Variants in CLMN observed in about 807,000 individuals in gnomAD.
The protein encoded by CLMN is calmin (calponin-like, transmembrane).
CLMN carries 57 observed loss-of-function variants against 92.7 expected under a neutral mutation model. The ratio of observed to expected loss-of-function variants is 0.61; its 90% CI spans 0.50 to 0.77. The LOEUF is 0.77. Ranked by LOEUF, CLMN falls within the 30% of genes least tolerant of loss-of-function variation. The pLI, the probability that CLMN is intolerant of heterozygous loss-of-function variation, is 0.00. For synonymous variants in CLMN, 466 were observed against 470.6 expected, an observed-to-expected ratio of 0.99 and a Z score of 0.13; for missense variants, 1,158 against 1,237.5, an observed-to-expected ratio of 0.94 and a Z score of 0.96.
chr14:95,234,237 C>T (rs1372294924), intron 1 of CLMN, among the ~76,000 whole-genome samples: 2 of 152,204 alleles, frequency 1.3e-5, no homozygotes, highest in African/African-American at 2.4e-5. Context: ...AAAGCACCCC[C>T]ACAGCTGCTG....
At chr14:95,305,136 C>CTAA (rs1901222716) in intron 1 of CLMN, among the ~76,000 whole-genome samples, 1 of 152,256 alleles carries the variant, frequency 6.6e-6, no homozygotes, top group Non-Finnish European at 1.5e-5. Flanking sequence ...CAGGCCCTCT[C>CTAA]TAAGCCCTTC....
At chr14:95,302,413 C>A (rs183672209) in intron 1 of CLMN, among the ~76,000 whole-genome samples, 3 of 152,222 alleles carry the variant, frequency 2.0e-5, no homozygotes, top group Admixed American at 2.0e-4. Context: ...TGAAATATAA[C>A]ATGAGCCACA....
Position 95,183,598 on chromosome 14 carries a change from A to G in CLMN, c.*7966T>C, listed in dbSNP as rs919664573. On this transcript the variant is annotated 3_prime_UTR_variant, in exon 13 of 13. Transcript: ENST00000298912. ...TTTTCTTTTTGAAGGAGAAAGCCCA[A>G]TTTCCTACTCTGTGAAGTACGTGTT... 2.0e-5 allele frequency: 3 copies of G among 152,332 alleles called. No homozygotes were observed. Among genetic ancestry groups the G allele is most frequent in the Admixed American group, 6.5e-5 (1 of 15,300 alleles). The allele number at this position is 152,332 out of a possible 1,614,324, so 9.4% of individuals were successfully genotyped here.
chr14:95,239,365 A>G lies in CLMN; in HGVS notation c.83-9232T>C, dbSNP rs1472043760. ...TGGGTAAGAAAATGAAGAAGGAAGGAAGAGAGGGAGGGAAGGAAGGAAAGA... is the reference window on the plus strand; with the variant it reads ...TGGGTAAGAAAATGAAGAAGGAAGGGAGAGAGGGAGGGAAGGAAGGAAAGA... On this transcript the variant is annotated intron_variant, in intron 1 of 12. Coordinates refer to ENST00000298912, the MANE Select transcript of CLMN (RefSeq NM_024734.4). 1.2e-4 allele frequency among the ~76,000 whole-genome samples: 19 copies of G among 152,104 alleles called. 1 individual carries two copies. The highest frequency in any genetic ancestry group is 1.2e-3 in the Admixed American group (19 of 15,262).
At chr14:95,265,632 T>C (rs1899443088) in intron 1 of CLMN, among the ~76,000 whole-genome samples, 1 of 152,178 alleles carries the variant, frequency 6.6e-6, no homozygotes, top group African/African-American at 2.4e-5. Flanking sequence ...CTGTGAGTAT[T>C]TGCAATTGCC....
chr14:95,264,908 G>A (rs555546567), intron 1 of CLMN, among the ~76,000 whole-genome samples: 5 of 145,794 alleles, frequency 3.4e-5, no homozygotes, highest in Non-Finnish European at 4.5e-5. Context: ...CCAAAACACC[G>A]TCAGATCTCA....
At chr14:95,249,389 T>C (rs758817081) in intron 1 of CLMN, among the ~76,000 whole-genome samples, 2 of 152,224 alleles carry the variant, frequency 1.3e-5, no homozygotes, top group Non-Finnish European at 2.9e-5. Flanking sequence ...TCCTGGACTT[T>C]GCACCCTAGC....
intron 1 of CLMN, among the ~76,000 whole-genome samples, chr14:95,234,163 C>T (rs1897975862): frequency 6.6e-6 from 1 of 152,232 alleles, no homozygotes; most frequent in Admixed American, 6.5e-5. Flanking sequence ...CTCCCCTCCA[C>T]AGAATGAGGT....
intron 1 of CLMN, among the ~76,000 whole-genome samples, chr14:95,308,113 C>T (rs1001516936): frequency 6.6e-6 from 1 of 152,228 alleles, no homozygotes; most frequent in Non-Finnish European, 1.5e-5. Flanking sequence ...AGAATTTCAT[C>T]TCCTCAATTT....
At chr14:95,201,370 C>G (rs1225159335) in intron 9 of CLMN, among the ~76,000 whole-genome samples, 1 of 151,676 alleles carries the variant, frequency 6.6e-6, no homozygotes, top group Non-Finnish European at 1.5e-5. Context: ...CTCCCCACCC[C>G]TCTCAAAGGC....
chr14:95,300,914 C>T (rs1333532840), intron 1 of CLMN, among the ~76,000 whole-genome samples: 3 of 152,196 alleles, frequency 2.0e-5, no homozygotes, highest in Admixed American at 6.5e-5. Flanking sequence ...TTGTAGGAAG[C>T]TGCTGTTGCA....
intron 1 of CLMN, among the ~76,000 whole-genome samples, chr14:95,248,111 GA>G (rs575224309): frequency 0.028 from 3,672 of 131,588 alleles, 158 homozygotes; most frequent in African/African-American, 0.093. Context: ...AACTGCAAAT[GA>G]AAAAAAAAAA....
At chr14:95,221,372 T>C (rs1897533565) in intron 4 of CLMN, among the ~76,000 whole-genome samples, 1 of 152,226 alleles carries the variant, frequency 6.6e-6, no homozygotes, top group African/African-American at 2.4e-5. Context: ...CATACTCTTA[T>C]TCAAGGGAAT....
At chr14:95,309,210 T>C (rs1178288326) in intron 1 of CLMN, among the ~76,000 whole-genome samples, 1 of 152,204 alleles carries the variant, frequency 6.6e-6, no homozygotes, top group Non-Finnish European at 1.5e-5. Context: ...CGATATGTGA[T>C]GTAATAAAAC....
intron 1 of CLMN, 76 bp downstream of exon 1, chr14:95,319,635 A>T: frequency 8.8e-7 from 1 of 1,139,306 alleles, no homozygotes; most frequent in East Asian, 2.9e-5. Context: ...GGCGCGGGGG[A>T]GTTGCCAAGT....
chr14:95,271,032 T>C (rs1899688608), intron 1 of CLMN, among the ~76,000 whole-genome samples: 1 of 152,240 alleles, frequency 6.6e-6, no homozygotes. Flanking sequence ...ATATCATTAT[T>C]AAGTGGTACT....
At chr14:95,293,651 ATGTGGG>A (rs1230208831) in intron 1 of CLMN, among the ~76,000 whole-genome samples, 1 of 152,036 alleles carries the variant, frequency 6.6e-6, no homozygotes, top group African/African-American at 2.4e-5. Context: ...GGGCAGAGAC[ATGTGGG>A]TGTACTGCGC....
chr14:95,268,499 T>C (rs1159814199), intron 1 of CLMN, among the ~76,000 whole-genome samples: 1 of 152,006 alleles, frequency 6.6e-6, no homozygotes, highest in Non-Finnish European at 1.5e-5. Context: ...GGGTAGTGAC[T>C]GAGAAGGAAG....
intron 1 of CLMN, among the ~76,000 whole-genome samples, chr14:95,309,481 G>GA (rs1238424943): frequency 6.6e-6 from 1 of 152,208 alleles, no homozygotes; most frequent in Non-Finnish European, 1.5e-5. Context: ...AGGACACGAC[G>GA]ATGCCACCCT....
Sources: gnomAD v4.1 joint callset for allele counts (sites outside exome capture counted in the v4.1 genomes callset) on GRCh38, gnomAD v4.1.1 for gene constraint, MANE v1.5 for transcripts, NCBI Gene and HGNC (gene_info 2026-07-23, HGNC 2026-07-21) for gene names.